ARNT2: variants seen among roughly 807,000 people sequenced by gnomAD.
ARNT2 encodes the protein aryl hydrocarbon receptor nuclear translocator 2.
A neutral mutation model predicts 91.7 loss-of-function variants in ARNT2; 36 were observed. The observed-to-expected ratio is 0.39, with a 90% confidence interval of 0.30 to 0.52. The LOEUF is 0.52. Among genes scored for constraint, ARNT2 ranks in the 20% least tolerant of loss-of-function variants. The pLI is 0.72. For missense variants in ARNT2, 775 were observed against 939.3 expected (o/e 0.83, Z 2.29); for synonymous variants, 365 against 347.1 (o/e 1.05, Z -0.57).
intron 5 of ARNT2, chr15:80,488,695 A>G (rs1166307343): frequency 6.6e-6 from 1 of 152,170 alleles, no homozygotes; most frequent in Non-Finnish European, 1.5e-5. Context: ...ACCCCTGCCA[A>G]CAAACCCCAC....
At chr15:80,581,184 G>T (rs778246346) in intron 16 of ARNT2, 55 bp from the exon 17 acceptor site, 1 of 1,599,860 alleles carries the variant, frequency 6.3e-7, no homozygotes, top group Non-Finnish European at 8.6e-7. Flanking sequence ...CATCGGTTGG[G>T]GTGCAGGGGT....
chr15:80,554,622 A>G (rs1362705288), intron 10 of ARNT2: 1 of 164,796 alleles, frequency 6.1e-6, no homozygotes, highest in Non-Finnish European at 1.3e-5. Flanking sequence ...TAACAAGTAC[A>G]GTTATTTTAT....
At chr15:80,509,863 C>T (rs951161304) in intron 6 of ARNT2, among the ~76,000 whole-genome samples, 1 of 152,060 alleles carries the variant, frequency 6.6e-6, no homozygotes. Flanking sequence ...GAATGGGGTA[C>T]GGTGCAGGAG....
chr15:80,497,150 T>C (rs1375766147), intron 5 of ARNT2, among the ~76,000 whole-genome samples: 2 of 152,228 alleles, frequency 1.3e-5, no homozygotes, highest in African/African-American at 4.8e-5. Flanking sequence ...CAAACACTAA[T>C]CTAAGTATGG....
intron 1 of ARNT2, among the ~76,000 whole-genome samples, chr15:80,435,833 G>C (rs1369432836): frequency 6.6e-6 from 1 of 152,034 alleles, no homozygotes; most frequent in Non-Finnish European, 1.5e-5. Context: ...TTATTCATCC[G>C]TGTCAAAAAT....
intron 1 of ARNT2, among the ~76,000 whole-genome samples, chr15:80,435,273 G>A (rs1896069977): frequency 6.6e-6 from 1 of 152,204 alleles, no homozygotes. Flanking sequence ...CCCTCTTGGA[G>A]TGATGGAGGC....
At chr15:80,495,148 CA>C in intron 5 of ARNT2, among the ~76,000 whole-genome samples, 1 of 152,284 alleles carries the variant, frequency 6.6e-6, no homozygotes, top group African/African-American at 2.4e-5. Flanking sequence ...AGTTCTAACC[CA>C]AACCCCAGCC....
intron 14 of ARNT2, among the ~76,000 whole-genome samples, chr15:80,576,562 C>T (rs1325848095): frequency 6.6e-6 from 1 of 152,238 alleles, no homozygotes; most frequent in Non-Finnish European, 1.5e-5. Context: ...CAGGTGCAAG[C>T]CACCATGCCT....
intron 11 of ARNT2, among the ~76,000 whole-genome samples, chr15:80,557,574 A>T (rs1281487657): frequency 1.1e-4 from 16 of 152,152 alleles, no homozygotes; most frequent in Admixed American, 1.0e-3. Flanking sequence ...TACCTATGTA[A>T]CAACTGGCTG....
chr15:80,537,165 A>G (rs190698142), intron 8 of ARNT2, among the ~76,000 whole-genome samples: 1,578 of 152,250 alleles, frequency 0.01, 11 homozygotes, highest in Non-Finnish European at 0.012. Context: ...CAGTTCTGCC[A>G]CCAGCTTCTC....
At chr15:80,558,735 T>C (rs866360987) in intron 11 of ARNT2, among the ~76,000 whole-genome samples, 1 of 152,214 alleles carries the variant, frequency 6.6e-6, no homozygotes, top group South Asian at 2.1e-4. Flanking sequence ...TCAAAACCCA[T>C]AGCAACTGAC....
intron 8 of ARNT2, among the ~76,000 whole-genome samples, chr15:80,529,935 C>A (rs777654915): frequency 9.2e-5 from 14 of 152,204 alleles, no homozygotes; most frequent in Non-Finnish European, 7.4e-5. Flanking sequence ...TAAGGTTGTG[C>A]CTTGCGCATA....
intron 5 of ARNT2, among the ~76,000 whole-genome samples, chr15:80,490,417 C>G (rs1897038628): frequency 6.6e-6 from 1 of 152,240 alleles, no homozygotes; most frequent in African/African-American, 2.4e-5. Context: ...GAACCTGCAG[C>G]AGCTAGGAGA....
At chr15:80,545,372 A>C (rs1188687026) in intron 8 of ARNT2, among the ~76,000 whole-genome samples, 1 of 152,228 alleles carries the variant, frequency 6.6e-6, no homozygotes, top group Non-Finnish European at 1.5e-5. Flanking sequence ...TGTGCTGTTC[A>C]TGTGAGTCCT....
Position 80,516,205 on chromosome 15 carries a change from G to T in ARNT2, c.877+1800G>T, listed in dbSNP as rs79389365. Among the ~76,000 whole-genome samples, 1,209 of 152,304 alleles carry T rather than the reference G, an allele frequency of 7.9e-3. 14 individuals are homozygous for T. The highest frequency in any genetic ancestry group is 0.013 in the Non-Finnish European group (918 of 68,012). Reference sequence around the variant, plus strand: ...ATTCTTTAAATGTCAATTTGATCAAGATGATTGATAGTGCTGTTGAGGGCA... The same window carrying T: ...ATTCTTTAAATGTCAATTTGATCAATATGATTGATAGTGCTGTTGAGGGCA... On this transcript the variant is annotated intron_variant, in intron 8 of 18. Coordinates refer to ENST00000303329, the MANE Select transcript of ARNT2 (RefSeq NM_014862.4).
intron 1 of ARNT2, among the ~76,000 whole-genome samples, chr15:80,433,242 A>ATTTTATTTTATTTTAT (rs1555455360): frequency 1.2e-3 from 73 of 62,592 alleles, no homozygotes; most frequent in African/African-American, 3.8e-3. Flanking sequence ...TATTTATTTT[A>ATTTTATTTTATTTTAT]TTTTATTTTA....
intron 5 of ARNT2, among the ~76,000 whole-genome samples, chr15:80,490,427 A>G (rs1414433973): frequency 2.0e-5 from 3 of 152,222 alleles, no homozygotes. Flanking sequence ...CAGCTAGGAG[A>G]GGACCCAGCA....
At chr15:80,583,250 G>A (rs1001314528) in intron 17 of ARNT2, among the ~76,000 whole-genome samples, 2 of 152,218 alleles carry the variant, frequency 1.3e-5, no homozygotes, top group African/African-American at 2.4e-5. Flanking sequence ...GAGAGGCTTC[G>A]GAGCAGAGCT....
At chr15:80,433,657 T>C (rs558323023) in intron 1 of ARNT2, 23 of 152,296 alleles carry the variant, frequency 1.5e-4, no homozygotes, top group African/African-American at 5.1e-4. Context: ...ATTTTGTTAC[T>C]GGAGGGGCAA....
Sources: gnomAD v4.1 joint callset for allele counts (sites outside exome capture counted in the v4.1 genomes callset) on GRCh38, gnomAD v4.1.1 for gene constraint, MANE v1.5 for transcripts, NCBI Gene and HGNC (gene_info 2026-07-23, HGNC 2026-07-21) for gene names.